THSD7A: variants seen among roughly 807,000 people sequenced by gnomAD.
The protein encoded by THSD7A is thrombospondin type-1 domain-containing protein 7A.
THSD7A carries 96 observed loss-of-function variants against 231.3 expected under a neutral mutation model. The observed-to-expected ratio is 0.41, with a 90% CI of 0.35 to 0.49. The LOEUF is 0.49. Ranked by LOEUF, THSD7A falls within the 20% of genes least tolerant of loss-of-function variation. The pLI, the probability that THSD7A is intolerant of heterozygous loss-of-function variation, is 0.05. For missense variants in THSD7A, 2,290 were observed against 2,070.2 expected (o/e 1.11, Z -2.06); for synonymous variants, 940 against 743.3 (o/e 1.26, Z -4.30).
chr7:11,780,188 A>T (rs1217799734), intron 1 of THSD7A, among the ~76,000 whole-genome samples: 1 of 152,158 alleles, frequency 6.6e-6, no homozygotes, highest in East Asian at 1.9e-4. Context: ...TAAGAAAACT[A>T]ATCGTATTCA....
At chr7:11,731,712 G>A (rs1035344575) in intron 1 of THSD7A, among the ~76,000 whole-genome samples, 1 of 151,650 alleles carries the variant, frequency 6.6e-6, no homozygotes, top group African/African-American at 2.4e-5. Flanking sequence ...ACATACTGTA[G>A]TTGAAATGAT....
intron 4 of THSD7A, among the ~76,000 whole-genome samples, chr7:11,547,863 A>G (rs1450573011): frequency 1.3e-5 from 2 of 152,216 alleles, no homozygotes; most frequent in African/African-American, 2.4e-5. Flanking sequence ...CAGCTAAAGC[A>G]GTGTTAAGAA....
chr7:11,778,767 T>C (rs1562549442), intron 1 of THSD7A, among the ~76,000 whole-genome samples: 1 of 152,132 alleles, frequency 6.6e-6, no homozygotes, highest in African/African-American at 2.4e-5. Flanking sequence ...AAGTTCATAT[T>C]CTCATGTGAA....
Position 11,379,059 on chromosome 7 carries a change from A to C in THSD7A, c.4801+11T>G. On this transcript the variant is annotated intron_variant, in intron 26 of 27. Transcript: ENST00000423059. ...AAGGTTTCTCTTTCAACACTAGTCTAGTCAGTTCACCTGGCCCAAATGGCT... is the reference window on the plus strand; with the variant it reads ...AAGGTTTCTCTTTCAACACTAGTCTCGTCAGTTCACCTGGCCCAAATGGCT... The C allele has an allele frequency of 6.2e-7, 1 of 1,612,334 alleles. No individual in the cohort carries two copies. The highest frequency in any genetic ancestry group is 8.5e-7 in the Non-Finnish European group (1 of 1,179,280).
At chr7:11,777,454 C>T (rs1174754226) in intron 1 of THSD7A, among the ~76,000 whole-genome samples, 1 of 139,212 alleles carries the variant, frequency 7.2e-6, no homozygotes, top group Non-Finnish European at 1.6e-5. Flanking sequence ...CACACACACA[C>T]ACACACTCTT....
chr7:11,794,816 A>C lies in THSD7A; in HGVS notation c.190+36941T>G, dbSNP rs184031082. Among the ~76,000 whole-genome samples, 374 of 152,102 alleles carry C rather than the reference A, an allele frequency of 2.5e-3. 2 individuals carry two copies. Among genetic ancestry groups the C allele is most frequent in the Non-Finnish European group, 2.1e-3 (143 of 67,932 alleles). On this transcript the variant is annotated intron_variant, in intron 1 of 27. Coordinates refer to ENST00000423059, the MANE Select transcript of THSD7A (RefSeq NM_015204.3). The stretch of plus-strand genomic sequence containing the variant: ...GTTTGCCTTCTTTGAAATAGAAGCA[A>C]ATTCTTTATGTCAGAGCACTGTGCA...
In THSD7A at chr7:11,640,197, G is replaced by A. The variant is rs116938790; in HGVS notation, c.191-3236C>T. On this transcript the variant is annotated intron_variant, in intron 1 of 27. Transcript: ENST00000423059. ...TGACTCTATAGCCCCTTGAGGACAG[G>A]CCCTTGTCTGCCGCCTGCAACAGTT... Among the ~76,000 whole-genome samples, 9 of 152,198 alleles carry A rather than the reference G, an allele frequency of 5.9e-5. No individual in the cohort carries two copies. The East Asian group carries it at 1.5e-3, about 26-fold the overall frequency.
intron 1 of THSD7A, among the ~76,000 whole-genome samples, chr7:11,785,150 C>T (rs1783749108): frequency 6.6e-6 from 1 of 152,114 alleles, no homozygotes; most frequent in Non-Finnish European, 1.5e-5. Flanking sequence ...CTAAACACAC[C>T]CAGCCAGTCT....
At chr7:11,574,015 G>T (rs1384405014) in intron 4 of THSD7A, among the ~76,000 whole-genome samples, 1 of 152,104 alleles carries the variant, frequency 6.6e-6, no homozygotes, top group African/African-American at 2.4e-5. Context: ...CATTTTAAGA[G>T]CATATGAAGG....
intron 4 of THSD7A, among the ~76,000 whole-genome samples, chr7:11,548,979 T>C (rs984890974): frequency 5.9e-5 from 9 of 151,398 alleles, no homozygotes; most frequent in African/African-American, 2.2e-4. Context: ...ACCTACACAA[T>C]AGGAGAAAAG....
At chr7:11,447,649 T>C (rs1785015881) in intron 11 of THSD7A, among the ~76,000 whole-genome samples, 1 of 152,104 alleles carries the variant, frequency 6.6e-6, no homozygotes, top group African/African-American at 2.4e-5. Context: ...CACAGAAAAG[T>C]GGACACATAT....
intron 1 of THSD7A, among the ~76,000 whole-genome samples, chr7:11,681,908 T>A (rs1783886574): frequency 6.6e-6 from 1 of 151,622 alleles, no homozygotes; most frequent in East Asian, 1.9e-4. Context: ...AACAGCAGAC[T>A]TCTCAGCACA....
chr7:11,814,126 C>T lies in THSD7A; in HGVS notation c.190+17631G>A, dbSNP rs753952136. The stretch of plus-strand genomic sequence containing the variant: ...GAGAAAAAGTAGATTGGTATTTGCC[C>T]GGGACCTGGGCTGATGGCTCAGGGA... On this transcript the variant is annotated intron_variant, in intron 1 of 27. Coordinates refer to ENST00000423059, the MANE Select transcript of THSD7A (RefSeq NM_015204.3). The surrounding 1 kb of genome is among the most constrained non-coding windows in gnomAD (Gnocchi z 5.1). Among the ~76,000 whole-genome samples the T allele has an allele frequency of 1.8e-4, 27 of 152,152 alleles. No individual in the cohort carries two copies. The highest frequency in any genetic ancestry group is 3.4e-4 in the Non-Finnish European group (23 of 68,010).
chr7:11,401,560 G>A (rs970758086), intron 23 of THSD7A, among the ~76,000 whole-genome samples: 2 of 152,088 alleles, frequency 1.3e-5, no homozygotes, highest in African/African-American at 4.8e-5. Context: ...TTGGATTACA[G>A]GAGCCTGACA....
Position 11,551,169 on chromosome 7 carries a change from C to T in THSD7A, c.1454-8052G>A, listed in dbSNP as rs544723197. Among the ~76,000 whole-genome samples the T allele has an allele frequency of 3.9e-5, 6 of 152,192 alleles. No homozygotes were observed. The South Asian group carries it at 1.2e-3, about 32-fold the overall frequency. ...CTGAAAATTGAAACTCTACCCCTTC[C>T]TTTCACCATATATGAAAATCAACTC... On this transcript the variant is annotated intron_variant, in intron 4 of 27. Coordinates refer to ENST00000423059, the MANE Select transcript of THSD7A (RefSeq NM_015204.3).
At chr7:11,733,599 G>T (rs1162681762) in intron 1 of THSD7A, among the ~76,000 whole-genome samples, 3 of 151,770 alleles carry the variant, frequency 2.0e-5, no homozygotes. Flanking sequence ...CCCTGTGGTA[G>T]ACAAGAGGCA....
intron 19 of THSD7A, among the ~76,000 whole-genome samples, chr7:11,407,994 A>AT (rs1018583352): frequency 6.6e-6 from 1 of 152,162 alleles, no homozygotes. Context: ...TTTTATGTGC[A>AT]TTTTTTAAAA....
intron 1 of THSD7A, among the ~76,000 whole-genome samples, chr7:11,664,818 A>G (rs919238257): frequency 6.6e-6 from 1 of 151,946 alleles, no homozygotes; most frequent in African/African-American, 2.4e-5. Context: ...AACACCATCC[A>G]TGGATAACCT....
chr7:11,659,197 T>C (rs1020743009), intron 1 of THSD7A, among the ~76,000 whole-genome samples: 1 of 151,722 alleles, frequency 6.6e-6, no homozygotes, highest in Non-Finnish European at 1.5e-5. Context: ...AGTTTATGAA[T>C]GTGCTAAAAG....
Sources: gnomAD v4.1 joint callset for allele counts (sites outside exome capture counted in the v4.1 genomes callset) on GRCh38, gnomAD v4.1.1 for gene constraint, Gnocchi (gnomAD v3.1) non-coding constraint, MANE v1.5 for transcripts, NCBI Gene and HGNC (gene_info 2026-07-23, HGNC 2026-07-21) for gene names.